Variants in COX7B2 observed in about 807,000 individuals in gnomAD.
COX7B2 encodes cytochrome c oxidase subunit 7B2, mitochondrial.
For missense variants in COX7B2, 109 were observed against 95.9 expected, an observed-to-expected ratio of 1.14 and a Z score of -0.57; for synonymous variants, 37 against 32.1, an observed-to-expected ratio of 1.15 and a Z score of -0.51.
At chr4:46,780,983 T>C (rs1201043886) in intron 2 of COX7B2, among the ~76,000 whole-genome samples, 1 of 152,204 alleles carries the variant, frequency 6.6e-6, no homozygotes, top group African/African-American at 2.4e-5. Flanking sequence ...TATAATTATC[T>C]CTGCAGAGGT....
intron 2 of COX7B2, among the ~76,000 whole-genome samples, chr4:46,759,058 G>T (rs547201750): frequency 6.6e-6 from 1 of 152,066 alleles, no homozygotes; most frequent in Admixed American, 6.6e-5. Flanking sequence ...TAGTCTGATA[G>T]CCTTTAAACT....
At chr4:46,821,399 C>T (rs76491090) in intron 2 of COX7B2, among the ~76,000 whole-genome samples, 4,870 of 152,270 alleles carry the variant, frequency 0.032, 107 homozygotes, top group Non-Finnish European at 0.049. Context: ...ATATTTGACT[C>T]TATGTGTTAA....
chr4:46,905,029 T>C (rs1392091700), intron 1 of COX7B2, among the ~76,000 whole-genome samples: 1 of 152,198 alleles, frequency 6.6e-6, no homozygotes, highest in East Asian at 1.9e-4. Flanking sequence ...TAAAACCTTT[T>C]CGAGCCTATT....
At chr4:46,765,593 C>T (rs879623415) in intron 2 of COX7B2, among the ~76,000 whole-genome samples, 11 of 152,072 alleles carry the variant, frequency 7.2e-5, no homozygotes, top group Non-Finnish European at 1.3e-4. Flanking sequence ...AGCAGACAAT[C>T]CCCCATGACC....
chr4:46,783,432 A>G (rs1005942087), intron 2 of COX7B2, among the ~76,000 whole-genome samples: 1 of 152,244 alleles, frequency 6.6e-6, no homozygotes, highest in Non-Finnish European at 1.5e-5. Context: ...AGACAGTCAC[A>G]TTACTAGTAG....
intron 1 of COX7B2, among the ~76,000 whole-genome samples, chr4:46,861,591 T>C (rs1717338194): frequency 6.6e-6 from 1 of 152,146 alleles, no homozygotes; most frequent in Non-Finnish European, 1.5e-5. Flanking sequence ...GAAAACAAAA[T>C]ATTTGGCCTA....
At chr4:46,838,949 C>T (rs184584863) in intron 2 of COX7B2, among the ~76,000 whole-genome samples, 1 of 151,958 alleles carries the variant, frequency 6.6e-6, no homozygotes, top group East Asian at 1.9e-4. Flanking sequence ...AAATCAAAGT[C>T]CCCAGGCCCT....
Position 46,890,233 on chromosome 4 carries a change from AAGG to A in COX7B2, c.-105+18924_-105+18926del, listed in dbSNP as rs1719351248. On this transcript the variant is annotated intron_variant, in intron 1 of 2. Transcript: ENST00000355591. ...GTACATGCTATGTTTGCATAATCAC[AAGG>A]ATTTGGCTTCCGTTCTAGTAGAGAT... is the stretch of plus-strand genomic sequence containing the variant. Among the ~76,000 whole-genome samples the A allele has an allele frequency of 2.6e-5, 4 of 152,316 alleles. No individual in the cohort carries two copies. The South Asian group carries it at 8.3e-4, about 32-fold the overall frequency.
chr4:46,791,844 T>G lies in COX7B2; in HGVS notation c.-50+53116A>C, dbSNP rs141682021. 5.9e-5 allele frequency among the ~76,000 whole-genome samples: 9 copies of G among 152,310 alleles called. No homozygotes were observed. The South Asian group carries it at 1.9e-3, about 32-fold the overall frequency. On this transcript the variant is annotated intron_variant, in intron 2 of 2. Coordinates refer to ENST00000355591, the MANE Select transcript of COX7B2 (RefSeq NM_130902.3). ...ATCTGTTGATTCTCTTGCCTGTGAGTTCCAGTTTGCACCCAATGATGCTTA... is the reference window on the plus strand; with the variant it reads ...ATCTGTTGATTCTCTTGCCTGTGAGGTCCAGTTTGCACCCAATGATGCTTA...
intron 2 of COX7B2, among the ~76,000 whole-genome samples, chr4:46,792,660 T>C (rs1017749823): frequency 2.6e-5 from 4 of 152,186 alleles, no homozygotes; most frequent in African/African-American, 9.7e-5. Context: ...CAGAGCAGAC[T>C]GTGGGACTTC....
At chr4:46,735,692 A>G (rs1714322322) in intron 2 of COX7B2, among the ~76,000 whole-genome samples, 2 of 152,028 alleles carry the variant, frequency 1.3e-5, no homozygotes, top group Non-Finnish European at 2.9e-5. Flanking sequence ...CCCCTCCTAC[A>G]GGCAAAATTC....
At chr4:46,815,048 T>TACA (rs1719479817) in intron 2 of COX7B2, among the ~76,000 whole-genome samples, 1 of 151,900 alleles carries the variant, frequency 6.6e-6, no homozygotes, top group Non-Finnish European at 1.5e-5. Context: ...TAGCCAGGCG[T>TACA]GGTGGTGCAT....
chr4:46,901,602 T>A (rs970153932), intron 1 of COX7B2, among the ~76,000 whole-genome samples: 3 of 152,234 alleles, frequency 2.0e-5, no homozygotes, highest in Non-Finnish European at 4.4e-5. Context: ...TTTCTAGTTG[T>A]GTCTGTGAGG....
intron 1 of COX7B2, among the ~76,000 whole-genome samples, chr4:46,890,698 G>T (rs1340697193): frequency 6.6e-6 from 1 of 152,162 alleles, no homozygotes; most frequent in African/African-American, 2.4e-5. Flanking sequence ...CTGGACAGAG[G>T]GACTAGAAAG....
At chr4:46,737,331 C>T (rs1714428705) in intron 2 of COX7B2, among the ~76,000 whole-genome samples, 2 of 152,048 alleles carry the variant, frequency 1.3e-5, no homozygotes, top group African/African-American at 4.8e-5. Context: ...TTTGTATATT[C>T]TGGATAACAG....
At chr4:46,784,423 G>A (rs560343499) in intron 2 of COX7B2, among the ~76,000 whole-genome samples, 6 of 152,176 alleles carry the variant, frequency 3.9e-5, no homozygotes, top group East Asian at 1.9e-4. Context: ...TCAGGAGTTC[G>A]AGACCAGCCT....
At chr4:46,763,897 C>T (rs553484213) in intron 2 of COX7B2, among the ~76,000 whole-genome samples, 75 of 152,074 alleles carry the variant, frequency 4.9e-4, no homozygotes, top group Admixed American at 8.5e-4. Flanking sequence ...TTTACTTAAG[C>T]TAATACTTGA....
intron 1 of COX7B2, among the ~76,000 whole-genome samples, chr4:46,879,630 A>G (rs1718579262): frequency 6.6e-6 from 1 of 150,990 alleles, no homozygotes; most frequent in South Asian, 2.1e-4. Context: ...CTGTTTTATA[A>G]TTGCAAGTTT....
intron 2 of COX7B2, among the ~76,000 whole-genome samples, chr4:46,744,212 G>A (rs1289312458): frequency 2.0e-5 from 3 of 151,278 alleles, no homozygotes; most frequent in African/African-American, 4.9e-5. Flanking sequence ...ATCCCCAGGC[G>A]TCTCAAAAAG....
Sources: gnomAD v4.1 joint callset for allele counts (sites outside exome capture counted in the v4.1 genomes callset) on GRCh38, gnomAD v4.1.1 for gene constraint, MANE v1.5 for transcripts, NCBI Gene and HGNC (gene_info 2026-07-23, HGNC 2026-07-21) for gene names.